DOCK8: variants seen among roughly 807,000 people sequenced by gnomAD.
DOCK8 encodes dedicator of cytokinesis 8, also known as dedicator of cytokinesis protein 8.
In DOCK8, 141 loss-of-function variants were observed where a neutral mutation model predicts 245.6. The ratio of observed to expected loss-of-function variants is 0.57; its 90% CI spans 0.50 to 0.66. The LOEUF is 0.66. Ranked by LOEUF, DOCK8 falls within the 30% of genes least tolerant of loss-of-function variation. DOCK8 has a pLI of 0.00. For synonymous variants in DOCK8, 1,168 were observed against 970.2 expected (o/e 1.20, Z -3.79); for missense variants, 2,965 against 2,603.4 (o/e 1.14, Z -3.02).
At chr9:217,571 G>C (rs2046786705) in intron 1 of DOCK8, among the ~76,000 whole-genome samples, 1 of 152,176 alleles carries the variant, frequency 6.6e-6, no homozygotes, top group African/African-American at 2.4e-5. Context: ...TTAGAGTTCT[G>C]TTTTCCTTTT....
At chr9:333,368 A>C (rs112166647) in intron 10 of DOCK8, among the ~76,000 whole-genome samples, 1 of 152,190 alleles carries the variant, frequency 6.6e-6, no homozygotes, top group African/African-American at 2.4e-5. Flanking sequence ...TTGGGAGGCC[A>C]AGGCGGGCAG....
chr9:385,144 T>C (rs2053897174), intron 22 of DOCK8, among the ~76,000 whole-genome samples: 2 of 152,194 alleles, frequency 1.3e-5, no homozygotes, highest in Admixed American at 1.3e-4. Flanking sequence ...TTGTTAAAAT[T>C]AAATCGTATA....
chr9:347,459 T>G (rs1293734633), intron 14 of DOCK8, among the ~76,000 whole-genome samples: 1 of 152,150 alleles, frequency 6.6e-6, no homozygotes, highest in Non-Finnish European at 1.5e-5. Flanking sequence ...TGAGCCGTGA[T>G]CATGCCACTG....
chr9:370,677 C>T (rs937566442), intron 16 of DOCK8, among the ~76,000 whole-genome samples: 63 of 152,344 alleles, frequency 4.1e-4, no homozygotes, highest in African/African-American at 1.5e-3. Flanking sequence ...CTCCACTTGA[C>T]ACCTGCCCCA....
chr9:451,360 C>T (rs1197222364), intron 45 of DOCK8, among the ~76,000 whole-genome samples: 2 of 150,244 alleles, frequency 1.3e-5, no homozygotes, highest in East Asian at 2.0e-4. Flanking sequence ...ATGGTGCGCA[C>T]GCCTGTAATC....
chr9:276,191 C>T (rs1034409152), intron 2 of DOCK8, among the ~76,000 whole-genome samples: 2 of 145,072 alleles, frequency 1.4e-5, no homozygotes, highest in African/African-American at 5.3e-5. Context: ...GCGCTCGGCC[C>T]ATTTAAAAAA....
chr9:370,124 C>A, intron 15 of DOCK8, 106 bp from the exon 16 acceptor site: 1 of 997,738 alleles, frequency 1.0e-6, no homozygotes, highest in Non-Finnish European at 1.6e-6. Context: ...CTTAATTGTA[C>A]AAAATGCAGC....
chr9:414,769 G>C lies in DOCK8; in HGVS notation c.3531-13G>C. The C allele has an allele frequency of 6.2e-7, 1 of 1,614,134 alleles. No homozygotes were observed. Among genetic ancestry groups the C allele is most frequent in the Non-Finnish European group, 8.5e-7 (1 of 1,179,990 alleles). ...TTCACCATAACCTCTTGATTCCTGT[G>C]TTGTGCCAACAGAATCAGCAAAGTA... On this transcript the variant is annotated splice_polypyrimidine_tract_variant and intron_variant, in intron 28 of 47. Coordinates refer to ENST00000432829, the MANE Select transcript of DOCK8 (RefSeq NM_203447.4).
chr9:234,648 C>A (rs981889983), intron 1 of DOCK8, among the ~76,000 whole-genome samples: 3 of 152,214 alleles, frequency 2.0e-5, no homozygotes, highest in Admixed American at 1.3e-4. Flanking sequence ...TCATTCATTT[C>A]ATCTTCCATC....
At chr9:369,925 C>T (rs951916643) in intron 15 of DOCK8, 11 of 381,188 alleles carry the variant, frequency 2.9e-5, no homozygotes, top group Non-Finnish European at 5.5e-5. Context: ...CCTCCGCCCC[C>T]TGAGTAGCAG....
At chr9:361,763 T>C (rs555739523) in intron 14 of DOCK8, among the ~76,000 whole-genome samples, 69 of 152,336 alleles carry the variant, frequency 4.5e-4, no homozygotes, top group Non-Finnish European at 8.7e-4. Context: ...AGGCCGTATA[T>C]TGAAGTAACA....
At chr9:368,806 T>G (rs1384789500) in intron 15 of DOCK8, 2 of 139,688 alleles carry the variant, frequency 1.4e-5, no homozygotes, top group Non-Finnish European at 3.0e-5. Flanking sequence ...TAATATAACT[T>G]TCTTTCTTTT....
At chr9:447,809 GGTA>G (rs1179955211) in intron 44 of DOCK8, among the ~76,000 whole-genome samples, 21 of 152,184 alleles carry the variant, frequency 1.4e-4, no homozygotes, top group Non-Finnish European at 1.8e-4. Context: ...TCATCCAGCA[GGTA>G]GTGTTCAGCT....
chr9:355,192 C>CTT (rs749045514), intron 14 of DOCK8, among the ~76,000 whole-genome samples: 64 of 121,068 alleles, frequency 5.3e-4, no homozygotes, highest in Admixed American at 1.1e-3. Flanking sequence ...TGTTTCTTTT[C>CTT]TTTTTTTTTT....
intron 22 of DOCK8, among the ~76,000 whole-genome samples, chr9:386,111 C>A (rs998258277): frequency 1.3e-5 from 2 of 152,184 alleles, no homozygotes; most frequent in Admixed American, 1.3e-4. Flanking sequence ...TAGGTTGCTA[C>A]ACACAAACTA....
chr9:219,291 GA>G (rs2046832882), intron 1 of DOCK8, among the ~76,000 whole-genome samples: 1 of 152,044 alleles, frequency 6.6e-6, no homozygotes, highest in Non-Finnish European at 1.5e-5. Context: ...CCAACATGGC[GA>G]AACCCCGTCT....
At chr9:217,370 G>A (rs1283536955) in intron 1 of DOCK8, among the ~76,000 whole-genome samples, 2 of 152,166 alleles carry the variant, frequency 1.3e-5, no homozygotes, top group African/African-American at 4.8e-5. Context: ...AGATGCCAGT[G>A]GCTGGCTGGG....
intron 4 of DOCK8, among the ~76,000 whole-genome samples, chr9:298,652 T>A (rs1231379116): frequency 7.1e-6 from 1 of 141,436 alleles, no homozygotes; most frequent in Non-Finnish European, 1.6e-5. Context: ...TGTGTGTGTG[T>A]GTCAGAGAGA....
rs12340920 is a variant in DOCK8, at chr9:338,906, G to A, written c.1423-100G>A. On this transcript the variant is annotated intron_variant, in intron 12 of 47. Coordinates refer to ENST00000432829, the MANE Select transcript of DOCK8 (RefSeq NM_203447.4). ...ATCCTAATTTCTATGAAAGACTTGT[G>A]AGAATAAAACTTAAAGGTAAAAATC... 122,691 of 918,544 alleles carry A rather than the reference G, an allele frequency of 0.13. 11,562 individuals are homozygous for A. Among genetic ancestry groups the A allele is most frequent in the African/African-American group, 0.43 (26,273 of 60,834 alleles). 56.9% of individuals were successfully genotyped at this position (918,544 alleles called of 1,614,324 possible). A position where few individuals can be genotyped will look rare whatever the true frequency, so the allele number is the denominator to read the frequency against.
Sources: gnomAD v4.1 joint callset for allele counts (sites outside exome capture counted in the v4.1 genomes callset) on GRCh38, gnomAD v4.1.1 for gene constraint, MANE v1.5 for transcripts, NCBI Gene and HGNC (gene_info 2026-07-23, HGNC 2026-07-21) for gene names.